Variants in OTUD4 observed in about 807,000 individuals in gnomAD.
OTUD4 encodes OTU deubiquitinase 4, also known as OTU domain-containing protein 4.
Under a neutral mutation model 130.4 loss-of-function variants are expected in OTUD4, and 24 were observed. That is an observed-to-expected ratio of 0.18 (90% CI 0.13 to 0.26). The LOEUF is 0.26. OTUD4 is among the 10% of genes least tolerant of loss of function. The pLI is 1.00. For synonymous variants in OTUD4, 420 were observed against 472.5 expected, an observed-to-expected ratio of 0.89 and a Z score of 1.44; for missense variants, 1,031 against 1,329.4, an observed-to-expected ratio of 0.78 and a Z score of 3.49.
intron 13 of OTUD4, 83 bp downstream of exon 13, chr4:145,150,430 T>G (rs1475427567): frequency 2.2e-6 from 2 of 927,358 alleles, no homozygotes; most frequent in Non-Finnish European, 3.3e-6. Context: ...AAAGTTATAA[T>G]TATTCAAATG....
chr4:145,152,822 G>A (rs1232178600), intron 10 of OTUD4, among the ~76,000 whole-genome samples, 187 bp from the exon 11 acceptor site: 1 of 151,538 alleles, frequency 6.6e-6, no homozygotes, highest in Non-Finnish European at 1.5e-5. Flanking sequence ...GTTCAAGCCT[G>A]GGATTCTCCT....
intron 1 of OTUD4, among the ~76,000 whole-genome samples, chr4:145,175,275 T>G (rs1752363098): frequency 6.6e-6 from 1 of 152,028 alleles, no homozygotes; most frequent in Non-Finnish European, 1.5e-5. Flanking sequence ...AAGGCACTCA[T>G]TCTTTCCTTG....
rs143586121 is a variant in OTUD4, at chr4:145,175,915, G to A, written c.160-1171C>T. On this transcript the variant is annotated intron_variant, in intron 1 of 20. Coordinates refer to ENST00000447906, the MANE Select transcript of OTUD4 (RefSeq NM_001366057.1). ...CAATTCTTTTTTCCCCCACCAGGCT[G>A]GAGTGCAGTGGTGCAATCTCAGCTC... Among the ~76,000 whole-genome samples, 665 of 149,492 alleles carry A rather than the reference G, an allele frequency of 4.4e-3. 3 individuals are homozygous for A. The highest frequency in any genetic ancestry group is 0.015 in the African/African-American group (611 of 40,638).
chr4:145,179,810 A>G lies in OTUD4; in HGVS notation c.159+5T>C. On this transcript the variant is annotated splice_donor_5th_base_variant and intron_variant, in intron 1 of 20. Coordinates refer to ENST00000447906, the MANE Select transcript of OTUD4 (RefSeq NM_001366057.1). ...TCGAAGCCCTCCCCGCCCCCCCGCAATTACCTGCTCCGCCACGGCCCGGAA... is the reference window on the plus strand; with the variant it reads ...TCGAAGCCCTCCCCGCCCCCCCGCAGTTACCTGCTCCGCCACGGCCCGGAA... 2.7e-6 allele frequency: 2 copies of G among 750,490 alleles called. No individual in the cohort carries two copies. The highest frequency in any genetic ancestry group is 3.9e-6 in the Non-Finnish European group (2 of 516,734). The allele number at this position is 750,490 out of a possible 1,614,324, so 46.5% of individuals were successfully genotyped here. A position where few individuals can be genotyped will look rare whatever the true frequency, so the allele number is the denominator to read the frequency against.
intron 16 of OTUD4, among the ~76,000 whole-genome samples, 178 bp downstream of exon 16, chr4:145,143,768 A>C (rs1027775160): frequency 4.6e-5 from 7 of 152,214 alleles, no homozygotes; most frequent in Non-Finnish European, 7.3e-5. Flanking sequence ...TACCTTGAAG[A>C]AACTGTCATA....
At chr4:145,155,854 A>C (rs1751257531) in intron 8 of OTUD4, 82 bp downstream of exon 8, 3 of 1,248,734 alleles carry the variant, frequency 2.4e-6, no homozygotes, top group Non-Finnish European at 2.3e-6. Flanking sequence ...ATGTACCAGA[A>C]AAAAGAAAAA....
chr4:145,179,616 G>C, intron 1 of OTUD4, 199 bp downstream of exon 1: 1 of 1,386,804 alleles, frequency 7.2e-7, no homozygotes, highest in Non-Finnish European at 9.3e-7. Flanking sequence ...TAATTTGCGG[G>C]CTTTCGAGTT....
At position 145,137,311 on chromosome 4, in the gene OTUD4, G is replaced by T; in HGVS notation, c.*119C>A. On this transcript the variant is annotated 3_prime_UTR_variant, in exon 21 of 21. Coordinates refer to ENST00000447906, the MANE Select transcript of OTUD4 (RefSeq NM_001366057.1). ...TTGTCCAGTATGGGAGTGAAGGTAA[G>T]GGGGGCTGGGGAGAGGAAAGAGTTC... 1 of 804,350 alleles carries T rather than the reference G, an allele frequency of 1.2e-6. No individual in the cohort carries two copies. The highest frequency in any genetic ancestry group is 2.0e-6 in the Non-Finnish European group (1 of 498,378). The allele number at this position is 804,350 out of a possible 1,614,324, so 49.8% of individuals were successfully genotyped here. A position where few individuals can be genotyped will look rare whatever the true frequency, so the allele number is the denominator to read the frequency against.
In OTUD4 at chr4:145,137,199, T is replaced by C; in HGVS notation, c.*231A>G. 2.4e-6 allele frequency: 1 copy of C among 413,646 alleles called. No homozygotes were observed. The highest frequency in any genetic ancestry group is 7.2e-5 in the South Asian group (1 of 13,814). 25.6% of individuals were successfully genotyped at this position (413,646 alleles called of 1,614,324 possible). On this transcript the variant is annotated 3_prime_UTR_variant, in exon 21 of 21. Transcript: ENST00000447906. ...TATCTTCTACTTTTTACGGGGACAG[T>C]CACTTGATCAACAAACAGATTCTGA... is the stretch of plus-strand genomic sequence containing the variant.
chr4:145,135,658 GAAAA>G lies in OTUD4; in HGVS notation c.*1768_*1771del. On this transcript the variant is annotated 3_prime_UTR_variant, in exon 21 of 21. Coordinates refer to ENST00000447906, the MANE Select transcript of OTUD4 (RefSeq NM_001366057.1). ...AATTCCTTTCAATAGGTTCTCTCAAGAAAAGTTTTCCACACAACCATCCCAGTCT... is the reference window on the plus strand; with the variant it reads ...AATTCCTTTCAATAGGTTCTCTCAAGGTTTTCCACACAACCATCCCAGTCT... 2 of 152,698 alleles carry G rather than the reference GAAAA, an allele frequency of 1.3e-5. No individual in the cohort carries two copies. The highest frequency in any genetic ancestry group is 4.1e-4 in the South Asian group (2 of 4,828). 9.5% of individuals were successfully genotyped at this position (152,698 alleles called of 1,614,324 possible).
chr4:145,179,589 GGAGA>G, intron 1 of OTUD4: 3 of 1,372,444 alleles, frequency 2.2e-6, no homozygotes, highest in Non-Finnish European at 9.4e-7. Context: ...CTCTTCATCA[GGAGA>G]GAGACACCCC....
intron 7 of OTUD4, chr4:145,159,145 A>C: frequency 9.6e-7 from 1 of 1,045,118 alleles, no homozygotes; most frequent in Non-Finnish European, 1.1e-6. Context: ...AGTGAAGGAA[A>C]TCCAAACGGC....
rs534822084 is a variant in OTUD4, at chr4:145,160,510, C to T, written c.497-875G>A. Among the ~76,000 whole-genome samples, 10 of 152,264 alleles carry T rather than the reference C, an allele frequency of 6.6e-5. No homozygotes were observed. In the South Asian group the frequency reaches 2.1e-3, roughly 32 times the overall value. The stretch of plus-strand genomic sequence containing the variant: ...CAATGAGCTTTAAGAAAACAATGTA[C>T]TAAGAATTCATCAACAATGGGGCCA... On this transcript the variant is annotated intron_variant, in intron 6 of 20. Coordinates refer to ENST00000447906, the MANE Select transcript of OTUD4 (RefSeq NM_001366057.1).
intron 3 of OTUD4, among the ~76,000 whole-genome samples, chr4:145,169,065 C>T (rs1202686178): frequency 6.6e-6 from 1 of 152,178 alleles, no homozygotes; most frequent in Non-Finnish European, 1.5e-5. Context: ...TCTATCATTC[C>T]ACTTATATGC....
chr4:145,138,699 AGGTTTG>A, intron 20 of OTUD4, 49 bp from the exon 21 acceptor site: 1 of 1,529,524 alleles, frequency 6.5e-7, no homozygotes, highest in Non-Finnish European at 8.8e-7. Context: ...GAAAAAAGAG[AGGTTTG>A]GGTGGATATC....
At chr4:145,141,202 T>G (rs891663755) in intron 19 of OTUD4, among the ~76,000 whole-genome samples, 177 bp downstream of exon 19, 2 of 151,972 alleles carry the variant, frequency 1.3e-5, no homozygotes, top group African/African-American at 4.8e-5. Flanking sequence ...ATAATACATT[T>G]TCTAATAAAT....
rs78310000 is a variant in OTUD4, at chr4:145,155,894, A to T, written c.690+42T>A. ...AAGATTTTAATGTACATGCTTTCTT[A>T]TATTAAAGAACTACATTTAAAACCA... On this transcript the variant is annotated intron_variant, in intron 8 of 20. Coordinates refer to ENST00000447906, the MANE Select transcript of OTUD4 (RefSeq NM_001366057.1). The T allele has an allele frequency of 4.9e-3, 7,147 of 1,449,088 alleles. 491 individuals carry two copies. In the East Asian group the frequency reaches 0.14, roughly 28 times the overall value. 89.8% of individuals were successfully genotyped at this position (1,449,088 alleles called of 1,614,324 possible).
At chr4:145,156,722 C>T (rs1751314684) in intron 7 of OTUD4, among the ~76,000 whole-genome samples, 1 of 151,988 alleles carries the variant, frequency 6.6e-6, no homozygotes, top group Non-Finnish European at 1.5e-5. Context: ...TAATGTTCAG[C>T]ACAATGAAAG....
chr4:145,150,944 C>CT, intron 11 of OTUD4, 39 bp from the exon 12 acceptor site: 1 of 1,275,800 alleles, frequency 7.8e-7, no homozygotes, highest in Non-Finnish European at 1.1e-6. Context: ...TTAAAATACC[C>CT]TAGTAAGAAT....
Sources: gnomAD v4.1 joint callset for allele counts (sites outside exome capture counted in the v4.1 genomes callset) on GRCh38, gnomAD v4.1.1 for gene constraint, MANE v1.5 for transcripts, NCBI Gene and HGNC (gene_info 2026-07-23, HGNC 2026-07-21) for gene names.